SPIDR: variants seen among roughly 807,000 people sequenced by gnomAD.
SPIDR encodes DNA repair-scaffolding protein.
In SPIDR, 93 loss-of-function variants were observed where a neutral mutation model predicts 104.6. The ratio of observed to expected loss-of-function variants is 0.89; its 90% confidence interval spans 0.75 to 1.06. SPIDR has a LOEUF of 1.06. SPIDR is among the 50% of genes least tolerant of loss of function. SPIDR has a pLI of 0.00. For synonymous variants in SPIDR, 431 were observed against 416.9 expected, an observed-to-expected ratio of 1.03 and a Z score of -0.41; for missense variants, 1,154 against 1,111.2, an observed-to-expected ratio of 1.04 and a Z score of -0.55.
chr8:47,322,663 C>G (rs1441140902), intron 5 of SPIDR, among the ~76,000 whole-genome samples: 1 of 152,146 alleles, frequency 6.6e-6, no homozygotes, highest in Non-Finnish European at 1.5e-5. Flanking sequence ...GGACTATTCA[C>G]AATCGCAGAG....
At chr8:47,421,318 C>A (rs1554680326) in intron 7 of SPIDR, among the ~76,000 whole-genome samples, 2 of 152,144 alleles carry the variant, frequency 1.3e-5, no homozygotes, top group African/African-American at 4.8e-5. Context: ...TCTTTTAATT[C>A]TTTTTTCTCT....
intron 7 of SPIDR, among the ~76,000 whole-genome samples, chr8:47,418,787 C>T (rs558649280): frequency 5.9e-5 from 9 of 152,250 alleles, no homozygotes; most frequent in East Asian, 5.8e-4. Context: ...TTTTGAGATA[C>T]GTCCCATCAA....
chr8:47,662,273 C>T (rs1255177539), intron 10 of SPIDR, among the ~76,000 whole-genome samples: 1 of 152,208 alleles, frequency 6.6e-6, no homozygotes, highest in East Asian at 1.9e-4. Context: ...GATGGACTCA[C>T]AAGCCCATGC....
At chr8:47,522,317 C>T (rs2084292522) in intron 8 of SPIDR, among the ~76,000 whole-genome samples, 1 of 152,206 alleles carries the variant, frequency 6.6e-6, no homozygotes, top group Non-Finnish European at 1.5e-5. Context: ...TCTGCAGCAT[C>T]CACAATAAAT....
intron 10 of SPIDR, among the ~76,000 whole-genome samples, chr8:47,627,050 A>C (rs977307549): frequency 1.8e-4 from 28 of 152,214 alleles, no homozygotes; most frequent in African/African-American, 6.8e-4. Context: ...ATGGAATACT[A>C]TGCAGCCATA....
chr8:47,291,796 C>T (rs2039948865), intron 4 of SPIDR, among the ~76,000 whole-genome samples: 1 of 152,210 alleles, frequency 6.6e-6, no homozygotes, highest in Admixed American at 6.5e-5. Context: ...TCGGTAAATA[C>T]TGTGACAACC....
chr8:47,682,075 G>T (rs2077159605), intron 11 of SPIDR, among the ~76,000 whole-genome samples: 1 of 152,048 alleles, frequency 6.6e-6, no homozygotes, highest in Non-Finnish European at 1.5e-5. Flanking sequence ...AACCAAGGTG[G>T]TCGTTGTCCT....
chr8:47,532,660 G>A (rs2086219106), intron 8 of SPIDR, among the ~76,000 whole-genome samples: 1 of 152,162 alleles, frequency 6.6e-6, no homozygotes, highest in South Asian at 2.1e-4. Context: ...GAACTGCAAA[G>A]TAAAACAGAC....
intron 7 of SPIDR, among the ~76,000 whole-genome samples, chr8:47,437,358 C>A (rs1398457400): frequency 6.4e-4 from 94 of 147,518 alleles, no homozygotes; most frequent in South Asian, 2.2e-3. Flanking sequence ...GTTTTTTGTT[C>A]TTGCGATAGT....
At position 47,701,800 on chromosome 8, in the gene SPIDR, A is replaced by T; in HGVS notation, c.1853A>T (p.Asp618Val). Residue 618 changes from aspartate (D) to valine (V), a missense_variant, in exon 13 of 20, where the codon GAC (aspartate) becomes GTC (valine). Transcript: ENST00000297423. ...HPNLGQIDII[D>V]EDPIYKLYQP... is the part of the protein sequence containing the mutation. ...AATCTGGGACAAATTGATATAATTG[A>T]CGAAGACCCCATTTATAAGCTTTAC... 6.2e-7 allele frequency: 1 copy of T among 1,614,154 alleles called. No individual in the cohort carries two copies. Among genetic ancestry groups the T allele is most frequent in the South Asian group, 1.1e-5 (1 of 91,074 alleles).
intron 8 of SPIDR, among the ~76,000 whole-genome samples, chr8:47,479,372 GAAAGAAAGGAAAGA>G (rs1329289561): frequency 5.3e-5 from 8 of 150,100 alleles, no homozygotes; most frequent in Admixed American, 2.7e-4. Context: ...AAAAAAAAAA[GAAAGAAAGGAAAGA>G]AAAGAAAGAC....
Position 47,702,034 on chromosome 8 carries a change from C to G in SPIDR, c.1977+19C>G. On this transcript the variant is annotated intron_variant, in intron 14 of 19. Transcript: ENST00000297423. ...ACCACAGGTAATAATCTCTCTCAAT[C>G]TCTCAATCTCTCAGCCTTTCTCTCT... 1 of 1,586,164 alleles carries G rather than the reference C, an allele frequency of 6.3e-7. No individual in the cohort carries two copies. Among genetic ancestry groups the G allele is most frequent in the Non-Finnish European group, 8.6e-7 (1 of 1,164,806 alleles).
At chr8:47,575,025 A>G (rs1194040414) in intron 8 of SPIDR, among the ~76,000 whole-genome samples, 1 of 152,142 alleles carries the variant, frequency 6.6e-6, no homozygotes, top group African/African-American at 2.4e-5. Flanking sequence ...TTAAACCAGA[A>G]AACAAAACAG....
rs183069563 is a variant in SPIDR, at chr8:47,432,417, G to A, written c.878-7906G>A. On this transcript the variant is annotated intron_variant, in intron 7 of 19. Transcript: ENST00000297423. ...AGGGGAGATGGGTCAGGAGCATCAT[G>A]GTTAGCAGTGAAATCAAGACTGGAA... 1.1e-4 allele frequency among the ~76,000 whole-genome samples: 17 copies of A among 152,260 alleles called. No homozygotes were observed. In the South Asian group the frequency reaches 1.9e-3, roughly 17 times the overall value.
chr8:47,388,861 T>C (rs2060244514), intron 5 of SPIDR, among the ~76,000 whole-genome samples: 1 of 152,238 alleles, frequency 6.6e-6, no homozygotes, highest in Non-Finnish European at 1.5e-5. Flanking sequence ...GAATACTTTA[T>C]GGTTTTGAGA....
chr8:47,510,711 G>T (rs1379902742), intron 8 of SPIDR, among the ~76,000 whole-genome samples: 1 of 152,062 alleles, frequency 6.6e-6, no homozygotes, highest in Non-Finnish European at 1.5e-5. Context: ...AGAATTATGT[G>T]TATGTTTGGA....
intron 2 of SPIDR, among the ~76,000 whole-genome samples, chr8:47,282,378 C>G (rs1486995898): frequency 2.0e-5 from 3 of 152,236 alleles, no homozygotes; most frequent in African/African-American, 7.2e-5. Context: ...AAGGCTCTTT[C>G]ATCTATATTG....
intron 8 of SPIDR, among the ~76,000 whole-genome samples, chr8:47,461,726 C>A (rs1239961248): frequency 1.3e-5 from 2 of 151,760 alleles, no homozygotes; most frequent in Non-Finnish European, 2.9e-5. Flanking sequence ...CTGAGACTTC[C>A]CAGAACATTT....
intron 8 of SPIDR, among the ~76,000 whole-genome samples, chr8:47,441,608 T>C (rs2069449885): frequency 1.3e-5 from 2 of 152,172 alleles, no homozygotes; most frequent in South Asian, 4.1e-4. Context: ...GGGCAGGGGT[T>C]TGTTTTGTTG....
Sources: allele counts gnomAD v4.1 joint callset (sites outside exome capture counted in the v4.1 genomes callset), GRCh38; gene constraint gnomAD v4.1.1; transcripts MANE v1.5; gene names NCBI Gene and HGNC (gene_info 2026-07-23, HGNC 2026-07-21).